Variants in UBE2D1 observed in about 807,000 individuals in gnomAD.
The protein encoded by UBE2D1 is ubiquitin conjugating enzyme E2 D1, also known as ubiquitin-conjugating enzyme E2 D1.
Under a neutral mutation model 24.6 loss-of-function variants are expected in UBE2D1, and 9 were observed. The observed-to-expected ratio is 0.37, with a 90% CI of 0.22 to 0.64. The LOEUF is 0.64. Among genes scored for constraint, UBE2D1 ranks in the 30% least tolerant of loss-of-function variants. The pLI is 0.64. For missense variants in UBE2D1, 87 were observed against 177.1 expected (o/e 0.49, Z 2.89); for synonymous variants, 57 against 57.6 (o/e 0.99, Z 0.04).
chr10:58,344,733 A>G (rs951941946), intron 1 of UBE2D1, among the ~76,000 whole-genome samples: 64 of 152,198 alleles, frequency 4.2e-4, no homozygotes, highest in African/African-American at 1.5e-3. Context: ...TTGCACTGGT[A>G]ACATAACGTG....
intron 1 of UBE2D1, among the ~76,000 whole-genome samples, chr10:58,342,931 G>A (rs1280790053): frequency 6.6e-6 from 1 of 151,018 alleles, no homozygotes; most frequent in Non-Finnish European, 1.5e-5. Context: ...CTGGGTTCAA[G>A]CAATTCTCCT....
At chr10:58,365,225 C>A (rs935203106) in intron 5 of UBE2D1, among the ~76,000 whole-genome samples, 1 of 152,086 alleles carries the variant, frequency 6.6e-6, no homozygotes, top group Non-Finnish European at 1.5e-5. Context: ...TATTCTAACA[C>A]TTTGGAAGGC....
At chr10:58,351,276 T>A (rs1249273539) in intron 1 of UBE2D1, among the ~76,000 whole-genome samples, 1 of 152,242 alleles carries the variant, frequency 6.6e-6, no homozygotes, top group East Asian at 1.9e-4. Context: ...TTATAAACTT[T>A]ATTTTTTTAA....
chr10:58,344,974 C>T (rs951827795), intron 1 of UBE2D1, among the ~76,000 whole-genome samples: 5 of 151,894 alleles, frequency 3.3e-5, no homozygotes, highest in African/African-American at 9.7e-5. Context: ...AGGGGATTCT[C>T]ATGTCTCAGC....
At chr10:58,368,376 T>G (rs925601396) in intron 6 of UBE2D1, 7 of 251,512 alleles carry the variant, frequency 2.8e-5, no homozygotes, top group African/African-American at 1.6e-4. Flanking sequence ...GACCTAATTC[T>G]CAAGCTGCTT....
rs546495669 is a variant in UBE2D1 at position 58,342,772 on chromosome 10, A to C, written c.24+7547A>C. ...CTAATTCCATTATGGTCAGAGAACA[A>C]ATTCTATTATTATTTGACTCCTTTT... On this transcript the variant is annotated intron_variant, in intron 1 of 6. Transcript: ENST00000373910. Among the ~76,000 whole-genome samples the C allele has an allele frequency of 4.4e-4, 67 of 150,878 alleles. No individual in the cohort carries two copies. In the South Asian group the frequency reaches 7.5e-3, roughly 17 times the overall value.
chr10:58,368,112 A>G, intron 6 of UBE2D1, 96 bp downstream of exon 6: 3 of 861,900 alleles, frequency 3.5e-6, no homozygotes, highest in South Asian at 1.6e-5. Flanking sequence ...CAATTTGATT[A>G]TGGTTGTTAT....
intron 1 of UBE2D1, chr10:58,360,883 C>T: frequency 2.3e-6 from 1 of 429,762 alleles, no homozygotes; most frequent in Non-Finnish European, 4.6e-6. Flanking sequence ...TTTCGTGCCA[C>T]TGCACTCCAT....
At chr10:58,345,733 A>G (rs1840008485) in intron 1 of UBE2D1, among the ~76,000 whole-genome samples, 2 of 152,286 alleles carry the variant, frequency 1.3e-5, no homozygotes, top group Non-Finnish European at 1.5e-5. Flanking sequence ...AAAACTGTGG[A>G]GAAGATGGAA....
intron 5 of UBE2D1, 34 bp from the exon 6 acceptor site, chr10:58,367,889 T>A (rs1361666436): frequency 1.4e-6 from 2 of 1,410,576 alleles, no homozygotes; most frequent in South Asian, 2.3e-5. Flanking sequence ...GTAGAAGGGT[T>A]ATTGTCTAAT....
At chr10:58,351,260 CTT>C (rs1840073558) in intron 1 of UBE2D1, among the ~76,000 whole-genome samples, 1 of 152,278 alleles carries the variant, frequency 6.6e-6, no homozygotes, top group Non-Finnish European at 1.5e-5. Flanking sequence ...TACTGTAACT[CTT>C]TGTTTATAAA....
chr10:58,363,743 T>A, intron 4 of UBE2D1, 57 bp downstream of exon 4: 1 of 1,302,148 alleles, frequency 7.7e-7, no homozygotes, highest in East Asian at 2.3e-5. Flanking sequence ...ATTCTTTATC[T>A]AGAGCTCATT....
chr10:58,361,645 G>A lies in UBE2D1; in HGVS notation c.120+119G>A, dbSNP rs1020681551. 11 of 1,341,946 alleles carry A rather than the reference G, an allele frequency of 8.2e-6. No homozygotes were observed. In the South Asian group the frequency reaches 1.2e-4, roughly 15 times the overall value. 83.1% of individuals were successfully genotyped at this position (1,341,946 alleles called of 1,614,324 possible). On this transcript the variant is annotated intron_variant, in intron 3 of 6. Transcript: ENST00000373910. ...ATATTCTTGTACTTTGAATCACCTA[G>A]GAAGCAAAATATTATTAAGGATTTA...
intron 1 of UBE2D1, among the ~76,000 whole-genome samples, 169 bp from the exon 2 acceptor site, chr10:58,361,169 A>G (rs559807525): frequency 6.6e-6 from 1 of 152,238 alleles, no homozygotes. Flanking sequence ...GGAATTGAGT[A>G]CCTTATTCTT....
In UBE2D1 at chr10:58,369,749, ATC is replaced by A. The variant is rs1840294037; in HGVS notation, c.*988_*989del. ...ATAAATTTTATTGTTTTAGGTTAGT[ATC>A]TCTTTACTAAATTGTCAGTCTATAA... On this transcript the variant is annotated 3_prime_UTR_variant, in exon 7 of 7. Transcript: ENST00000373910. The A allele has an allele frequency of 6.6e-6, 1 of 152,052 alleles. No individual in the cohort carries two copies. Among genetic ancestry groups the A allele is most frequent in the Non-Finnish European group, 1.5e-5 (1 of 67,836 alleles). 9.4% of individuals were successfully genotyped at this position (152,052 alleles called of 1,614,324 possible).
At chr10:58,356,728 G>A (rs1209967485) in intron 1 of UBE2D1, among the ~76,000 whole-genome samples, 2 of 152,162 alleles carry the variant, frequency 1.3e-5, no homozygotes, top group African/African-American at 4.8e-5. Flanking sequence ...AGCTGTGGAT[G>A]GAAGTATTGT....
chr10:58,338,278 G>T (rs1839924483), intron 1 of UBE2D1, among the ~76,000 whole-genome samples: 1 of 152,136 alleles, frequency 6.6e-6, no homozygotes, highest in Non-Finnish European at 1.5e-5. Context: ...AGATATCAAT[G>T]CTTAAAATAT....
chr10:58,344,804 T>C (rs948053634), intron 1 of UBE2D1, among the ~76,000 whole-genome samples: 1 of 152,040 alleles, frequency 6.6e-6, no homozygotes, highest in Non-Finnish European at 1.5e-5. Context: ...GATTGTTTTA[T>C]CCACATATTT....
At chr10:58,365,408 A>C (rs1840244892) in intron 5 of UBE2D1, among the ~76,000 whole-genome samples, 1 of 152,256 alleles carries the variant, frequency 6.6e-6, no homozygotes, top group Non-Finnish European at 1.5e-5. Flanking sequence ...CAGCTGTTTT[A>C]CTTCATCCAA....
Sources: allele counts gnomAD v4.1 joint callset (sites outside exome capture counted in the v4.1 genomes callset), GRCh38; gene constraint gnomAD v4.1.1; transcripts MANE v1.5; gene names NCBI Gene and HGNC (gene_info 2026-07-23, HGNC 2026-07-21).